The following BBS9 variants were observed in gnomAD, a reference collection of about 807,000 sequenced individuals.
BBS9 encodes the protein Bardet-Biedl syndrome 9.
A neutral mutation model predicts 117.7 loss-of-function variants in BBS9; 89 were observed. The ratio of observed to expected loss-of-function variants is 0.76; its 90% confidence interval spans 0.64 to 0.90. The LOEUF (loss-of-function observed/expected upper bound fraction) is 0.90, where lower values mean the gene tolerates loss of function less well. Ranked by LOEUF, BBS9 falls within the 40% of genes least tolerant of loss-of-function variation. The pLI is 0.00. For missense variants in BBS9, 982 were observed against 1,042.2 expected (o/e 0.94, Z 0.80); for synonymous variants, 379 against 370.9 (o/e 1.02, Z -0.25).
At chr7:33,469,478 T>C (rs1840670038) in intron 19 of BBS9, among the ~76,000 whole-genome samples, 1 of 152,138 alleles carries the variant, frequency 6.6e-6, no homozygotes, top group African/African-American at 2.4e-5. Flanking sequence ...TATCTTTCTG[T>C]AGACAGGAGG....
chr7:33,378,371 T>C (rs1356690385), intron 17 of BBS9, among the ~76,000 whole-genome samples: 1 of 152,230 alleles, frequency 6.6e-6, no homozygotes, highest in African/African-American at 2.4e-5. Context: ...TTATTTAAAC[T>C]ATAAACAAGA....
chr7:33,437,717 T>TA (rs533283065), intron 19 of BBS9, among the ~76,000 whole-genome samples: 324 of 150,984 alleles, frequency 2.1e-3, no homozygotes, highest in East Asian at 6.8e-3. Context: ...CTACTAAAAA[T>TA]AAAAAAAAAT....
intron 21 of BBS9, among the ~76,000 whole-genome samples, chr7:33,575,689 A>G (rs577251128): frequency 2.0e-5 from 3 of 152,310 alleles, no homozygotes; most frequent in South Asian, 2.1e-4. Flanking sequence ...CCAGCAGCAC[A>G]TCAAAAAGCT....
At chr7:33,469,153 C>G (rs766087591) in intron 19 of BBS9, among the ~76,000 whole-genome samples, 1 of 143,994 alleles carries the variant, frequency 6.9e-6, no homozygotes, top group Non-Finnish European at 1.6e-5. Flanking sequence ...TTGGTCGAAT[C>G]TGAGGGAGAA....
chr7:33,536,183 A>G (rs1420417222), intron 21 of BBS9, among the ~76,000 whole-genome samples: 1 of 152,100 alleles, frequency 6.6e-6, no homozygotes, highest in African/African-American at 2.4e-5. Flanking sequence ...GGCCTGGCTG[A>G]GTTCGTTCTG....
At chr7:33,395,574 A>G (rs1584643432) in intron 19 of BBS9, among the ~76,000 whole-genome samples, 1 of 152,144 alleles carries the variant, frequency 6.6e-6, no homozygotes, top group Non-Finnish European at 1.5e-5. Flanking sequence ...AATGACTAGT[A>G]GTCATTAATG....
At chr7:33,480,285 A>C (rs1324978852) in intron 19 of BBS9, among the ~76,000 whole-genome samples, 1 of 152,220 alleles carries the variant, frequency 6.6e-6, no homozygotes, top group Non-Finnish European at 1.5e-5. Flanking sequence ...CAGTAACAAT[A>C]AATTATTTAT....
At chr7:33,150,316 A>AATAAAGCTATCTTCG (rs1292526395) in intron 2 of BBS9, among the ~76,000 whole-genome samples, 13 of 152,322 alleles carry the variant, frequency 8.5e-5, no homozygotes, top group African/African-American at 2.9e-4. Context: ...ATTTAATTTA[A>AATAAAGCTATCTTCG]ATAAAGCTAT....
chr7:33,458,780 C>T (rs1839017897), intron 19 of BBS9, among the ~76,000 whole-genome samples: 1 of 152,230 alleles, frequency 6.6e-6, no homozygotes, highest in Non-Finnish European at 1.5e-5. Context: ...TTCTCAGTTT[C>T]ACACCCCGAA....
At chr7:33,131,599 GAAC>G (rs1227976960) in intron 1 of BBS9, among the ~76,000 whole-genome samples, 1 of 152,110 alleles carries the variant, frequency 6.6e-6, no homozygotes, top group African/African-American at 2.4e-5. Flanking sequence ...CTCTGAAAAT[GAAC>G]AACAGCTGCA....
chr7:33,191,544 A>G (rs1784119087), intron 5 of BBS9, among the ~76,000 whole-genome samples: 1 of 152,176 alleles, frequency 6.6e-6, no homozygotes, highest in Non-Finnish European at 1.5e-5. Flanking sequence ...AGCAGTGGTG[A>G]TTTGAGAGTG....
intron 4 of BBS9, among the ~76,000 whole-genome samples, chr7:33,175,473 T>C (rs1797215168): frequency 6.6e-6 from 1 of 152,170 alleles, no homozygotes; most frequent in South Asian, 2.1e-4. Context: ...GGCCTTTAAC[T>C]GAGCAAAGAA....
intron 21 of BBS9, among the ~76,000 whole-genome samples, chr7:33,561,131 TA>T (rs1856023273): frequency 6.6e-6 from 1 of 152,228 alleles, no homozygotes. Context: ...TTCATTTTTC[TA>T]ATCTACCAAT....
intron 18 of BBS9, among the ~76,000 whole-genome samples, chr7:33,386,382 T>C (rs1328648736): frequency 2.6e-5 from 4 of 152,050 alleles, no homozygotes; most frequent in Non-Finnish European, 4.4e-5. Context: ...TTTTGTAAAG[T>C]TGAGTTAGTG....
chr7:33,201,958 G>A (rs564914535), intron 5 of BBS9, among the ~76,000 whole-genome samples: 1 of 152,304 alleles, frequency 6.6e-6, no homozygotes, highest in South Asian at 2.1e-4. Flanking sequence ...CAGAAGCTCG[G>A]CTGTAAGTGA....
intron 19 of BBS9, among the ~76,000 whole-genome samples, chr7:33,455,049 C>T (rs1449237991): frequency 2.6e-5 from 4 of 152,186 alleles, no homozygotes; most frequent in African/African-American, 9.7e-5. Context: ...CCAGTTATAT[C>T]CAGTTTATCA....
In BBS9 at chr7:33,534,026, C is replaced by G; in HGVS notation, c.2371C>G (p.Gln791Glu). Reference sequence around the variant, plus strand: ...TTGCCTGTCGAAGAGTTCTAAGGAGCAGGCTTTGAACCTCAACAGCCAGCT... The same window carrying G: ...TTGCCTGTCGAAGAGTTCTAAGGAGGAGGCTTTGAACCTCAACAGCCAGCT... ...KTCLSKSSKE[Q>E]ALNLNSQLNI... Residue 791 changes from glutamine (Q) to glutamate (E), a missense_variant, in exon 21 of 23, where the codon CAG becomes GAG. By Grantham distance (29) the Gln-to-Glu change is conservative. Coordinates refer to ENST00000242067, the MANE Select transcript of BBS9 (RefSeq NM_198428.3). 1 of 1,614,218 alleles carries G rather than the reference C, an allele frequency of 6.2e-7. No homozygotes were observed.
At chr7:33,597,686 A>G (rs985950918) in intron 21 of BBS9, among the ~76,000 whole-genome samples, 1 of 152,042 alleles carries the variant, frequency 6.6e-6, no homozygotes, top group East Asian at 1.9e-4. Context: ...GCAAAAAAAA[A>G]ATGTGTTATT....
Position 33,534,108 on chromosome 7 carries a change from G to C in BBS9, c.2453G>C (p.Arg818Thr), listed in dbSNP as rs770826582. ...LKKHITLLCDRLSKGGRLCLS... is the reference protein window; with the variant it reads ...LKKHITLLCDTLSKGGRLCLS... ...AAACATATCACCTTGCTCTGCGATA[G>C]ATTATCCAAAGGTGGCCGTCTCTGC... is the stretch of plus-strand genomic sequence containing the variant. The change falls in exon 21 of 23, where the codon AGA becomes ACA. Residue 818 changes from arginine (R) to threonine (T), a missense_variant. By Grantham distance (71) the Arg-to-Thr change is moderately conservative (BLOSUM62 -1). Transcript: ENST00000242067. 2.5e-6 allele frequency: 4 copies of C among 1,614,214 alleles called. No homozygotes were observed. In the South Asian group the frequency reaches 4.4e-5, roughly 18 times the overall value.
Sources: gnomAD v4.1 joint callset for allele counts (sites outside exome capture counted in the v4.1 genomes callset) on GRCh38, gnomAD v4.1.1 for gene constraint, MANE v1.5 for transcripts, NCBI Gene and HGNC (gene_info 2026-07-23, HGNC 2026-07-21) for gene names.